Variants in LZTR1 observed in about 807,000 individuals in gnomAD.
The protein encoded by LZTR1 is leucine zipper like post translational regulator 1.
LZTR1 carries 260 observed loss-of-function variants against 105.7 expected under a neutral mutation model. That is an observed-to-expected ratio of 2.46 (90% CI 2.22 to 2.72). The LOEUF (loss-of-function observed/expected upper bound fraction) is 2.72. Among genes scored for constraint, LZTR1 ranks in the 30% most tolerant of loss-of-function variants. LZTR1 has a pLI of 0.00. For synonymous variants in LZTR1, 490 were observed against 476.4 expected (o/e 1.03, Z -0.37); for missense variants, 1,214 against 1,166.9 (o/e 1.04, Z -0.59).
At chr22:20,992,049 T>C (rs897896366) in intron 9 of LZTR1, among the ~76,000 whole-genome samples, 165 bp from the exon 10 acceptor site, 13 of 152,222 alleles carry the variant, frequency 8.5e-5, no homozygotes, top group Admixed American at 3.3e-4. Flanking sequence ...CACCCCATCA[T>C]GGCTGCATGG....
chr22:20,988,883 G>A lies in LZTR1; in HGVS notation c.593+11G>A, dbSNP rs200649588. The A allele has an allele frequency of 9.9e-6, 16 of 1,612,388 alleles. No homozygotes were observed. In the Admixed American group the frequency reaches 2.7e-4, roughly 27 times the overall value. On this transcript the variant is annotated intron_variant, in intron 6 of 20. Coordinates refer to ENST00000646124, the MANE Select transcript of LZTR1 (RefSeq NM_006767.4). Reference sequence around the variant, plus strand: ...TGACGGCAACGCCAGGTGGGTGGTGGTCCGGCCTGTGCACCCCACCTCCGA... The same window carrying A: ...TGACGGCAACGCCAGGTGGGTGGTGATCCGGCCTGTGCACCCCACCTCCGA...
rs1326397951 is a variant in LZTR1, at chr22:20,990,402, A to G, written c.668A>G (p.Glu223Gly). 1 of 1,614,128 alleles carries G rather than the reference A, an allele frequency of 6.2e-7. No homozygotes were observed. The highest frequency in any genetic ancestry group is 1.7e-5 in the Admixed American group (1 of 60,004). ...CCCCTGCAGGTGGCCCAGAGTGGCGAGATCCCCCCATCTTGCTGCAACTTC... is the reference window on the plus strand; with the variant it reads ...CCCCTGCAGGTGGCCCAGAGTGGCGGGATCCCCCCATCTTGCTGCAACTTC... Reference protein sequence around the residue: ...TCWEEVAQSGEIPPSCCNFPV... With the variant: ...TCWEEVAQSGGIPPSCCNFPV... Residue 223 changes from glutamate (E) to glycine (G), a missense_variant, in exon 8 of 21, where the codon GAG becomes GGG. By Grantham distance (98) the Glu-to-Gly change is moderately conservative. Transcript: ENST00000646124.
Position 20,995,829 on chromosome 22 carries a change from C to A in LZTR1, c.2026C>A (p.His676Asn), listed in dbSNP as rs756293448. ...TGACATCACTCTGTTGCTTGACGGG[C>A]ACCCACGGCCAGCCCACAAGGCTAT... ...FCDITLLLDG[H>N]PRPAHKAILA... Residue 676 changes from histidine to asparagine, a missense_variant, in exon 17 of 21, where the codon CAC (histidine) becomes AAC (asparagine). Transcript: ENST00000646124. 8.7e-6 allele frequency: 14 copies of A among 1,613,132 alleles called. No homozygotes were observed. Among genetic ancestry groups the A allele is most frequent in the Admixed American group, 5.0e-5 (3 of 60,004 alleles).
At position 20,988,846 on chromosome 22, in the gene LZTR1, CT is replaced by C. The variant is rs760932744; in HGVS notation, c.570del (p.Phe190LeufsTer10). The C allele has an allele frequency of 9.3e-6, 15 of 1,614,158 alleles. No individual in the cohort carries two copies. The highest frequency in any genetic ancestry group is 1.3e-5 in the Non-Finnish European group (15 of 1,180,014). ...ATVYSDKLWI[F>X]AGYDGNARLN... ...CGGTGTACAGTGACAAGCTGTGGAT[CT>C]TTGCTGGCTATGACGGCAACGCCAG... On this transcript the variant is annotated frameshift_variant, in exon 6 of 21. Coordinates refer to ENST00000646124, the MANE Select transcript of LZTR1 (RefSeq NM_006767.4). LOFTEE classifies it high-confidence loss of function.
intron 8 of LZTR1, chr22:20,991,394 G>T (rs919854564): frequency 2.0e-5 from 11 of 558,584 alleles, no homozygotes; most frequent in Non-Finnish European, 3.2e-5. Flanking sequence ...ATGGGGAGAG[G>T]GGGGAGCTCT....
rs770038802 is a variant in LZTR1, at chr22:20,985,857, G to T, written c.280G>T (p.Asp94Tyr). 6.2e-7 allele frequency: 1 copy of T among 1,614,160 alleles called. No individual in the cohort carries two copies. The highest frequency in any genetic ancestry group is 8.5e-7 in the Non-Finnish European group (1 of 1,180,034). ...GCCTTTCAGGAAGACCATGCTCAAT[G>T]ACCTCCTGCGGTTCGATGTGAAAGA... The part of the protein sequence containing the change: ...GGDNGKTMLN[D>Y]LLRFDVKDCS... The change falls in exon 3 of 21, where the codon GAC becomes TAC. Residue 94 changes from aspartate (D) to tyrosine (Y), a missense_variant. Asp to Tyr is a radical substitution (Grantham distance 160). Transcript: ENST00000646124.
intron 18 of LZTR1, 75 bp from the exon 19 acceptor site, chr22:20,996,621 C>A: frequency 1.6e-6 from 2 of 1,244,042 alleles, no homozygotes; most frequent in Non-Finnish European, 1.2e-6. Flanking sequence ...GCTCCAGCTG[C>A]GCCCTTCCCT....
chr22:20,992,932 G>C, intron 11 of LZTR1, 28 bp downstream of exon 11: 3 of 1,463,878 alleles, frequency 2.0e-6, no homozygotes, highest in Non-Finnish European at 2.8e-6. Context: ...CTGTAGAGCC[G>C]GCTGGGTGGA....
In LZTR1 at chr22:20,991,798, G is replaced by C; in HGVS notation, c.962G>C (p.Trp321Ser). 6.4e-7 allele frequency: 1 copy of C among 1,551,674 alleles called. No individual in the cohort carries two copies. Among genetic ancestry groups the C allele is most frequent in the Non-Finnish European group, 8.7e-7 (1 of 1,147,422 alleles). The change falls in exon 9 of 21, where the codon TGG (tryptophan) becomes TCG (serine). Residue 321 changes from tryptophan (W) to serine (S), a missense_variant. Physicochemically the swap from Trp to Ser is radical, Grantham distance 177. Transcript: ENST00000646124. The stretch of plus-strand genomic sequence containing the variant: ...TGCTATGACGTGGACTTCCAGACCT[G>C]GGAGGTCGTCCAGCCCAGCTCCGAC... ...LHCYDVDFQT[W>S]EVVQPSSDSE...
chr22:20,997,071 T>G (rs776097772), intron 20 of LZTR1, 105 bp downstream of exon 20: 2 of 1,277,172 alleles, frequency 1.6e-6, no homozygotes, highest in Non-Finnish European at 2.3e-6. Context: ...TGGTGGGCCC[T>G]GGGGGTGAGA....
At chr22:20,982,736 G>C (rs1362689968) in intron 1 of LZTR1, among the ~76,000 whole-genome samples, 165 bp downstream of exon 1, 2 of 152,306 alleles carry the variant, frequency 1.3e-5, no homozygotes, top group East Asian at 3.9e-4. Context: ...AGGGTTCCGA[G>C]GGAGTCCCAG....
chr22:20,987,448 G>C lies in LZTR1; in HGVS notation c.321-56G>C, dbSNP rs891493434. ...AGGGATGCAGGGCCACCCTGTGGGG[G>C]TGTGGACCTCATGGGTGACCCCCGC... On this transcript the variant is annotated intron_variant, in intron 3 of 20. Coordinates refer to ENST00000646124, the MANE Select transcript of LZTR1 (RefSeq NM_006767.4). The C allele has an allele frequency of 4.1e-6, 4 of 977,294 alleles. No individual in the cohort carries two copies. The African/African-American group carries it at 4.7e-5, about 12-fold the overall frequency. The allele number at this position is 977,294 out of a possible 1,614,324, so 60.5% of individuals were successfully genotyped here. A position where few individuals can be genotyped will look rare whatever the true frequency, so the allele number is the denominator to read the frequency against.
chr22:20,989,419 C>A (rs957826607), intron 6 of LZTR1, among the ~76,000 whole-genome samples: 1 of 152,236 alleles, frequency 6.6e-6, no homozygotes, highest in Non-Finnish European at 1.5e-5. Flanking sequence ...AGTACTTGTT[C>A]TGTCTGGGCC....
chr22:20,997,446 G>A lies in LZTR1; in HGVS notation c.*98G>A. The A allele has an allele frequency of 1.1e-6, 1 of 945,132 alleles. No homozygotes were observed. The allele number at this position is 945,132 out of a possible 1,614,324, so 58.5% of individuals were successfully genotyped here. ...TATGCGCATGCCTATGGCAGTGGGT[G>A]CACCTGCCAGGCCAAGGGTCAGGGT... On this transcript the variant is annotated 3_prime_UTR_variant, in exon 21 of 21. Transcript: ENST00000646124.
intron 7 of LZTR1, 144 bp downstream of exon 7, chr22:20,989,826 G>A (rs568125003): frequency 1.2e-4 from 107 of 879,598 alleles, no homozygotes; most frequent in Admixed American, 2.5e-4. Flanking sequence ...GCTGGGGGTC[G>A]AGGCTGCTTT....
intron 2 of LZTR1, among the ~76,000 whole-genome samples, chr22:20,985,059 A>ATTTTTT (rs34655832): frequency 0.036 from 4,360 of 120,192 alleles, 359 homozygotes; most frequent in African/African-American, 0.14. Context: ...CTTCGTTTCT[A>ATTTTTT]TTTTTTTTTT....
chr22:20,985,709 G>T (rs891512270), intron 2 of LZTR1, 132 bp from the exon 3 acceptor site: 25 of 730,576 alleles, frequency 3.4e-5, no homozygotes, highest in Non-Finnish European at 4.7e-5. Flanking sequence ...GCATCAGCTG[G>T]TTGCCTGGCT....
At chr22:20,996,428 G>A (rs111822529) in intron 18 of LZTR1, 1 of 592,176 alleles carries the variant, frequency 1.7e-6, no homozygotes. Context: ...TTCAGTAGGG[G>A]TCTGAACATG....
chr22:20,982,808 T>A (rs1486495008), intron 1 of LZTR1, among the ~76,000 whole-genome samples: 2 of 152,074 alleles, frequency 1.3e-5, no homozygotes, highest in Admixed American at 6.5e-5. Context: ...TGGGCTGGGG[T>A]CCCAGGTGCT....
Sources: allele counts gnomAD v4.1 joint callset (sites outside exome capture counted in the v4.1 genomes callset), GRCh38; gene constraint gnomAD v4.1.1; transcripts MANE v1.5; gene names NCBI Gene and HGNC (gene_info 2026-07-23, HGNC 2026-07-21).